SLFN12L: variants seen among roughly 807,000 people sequenced by gnomAD.
SLFN12L encodes schlafen family member 12 like.
In SLFN12L, 34 loss-of-function variants were observed where a neutral mutation model predicts 34.8. The ratio of observed to expected loss-of-function variants is 0.98; its 90% CI spans 0.74 to 1.30. The LOEUF (loss-of-function observed/expected upper bound fraction) is 1.30, where lower values mean the gene tolerates loss of function less well. Ranked by LOEUF, SLFN12L falls within the 50% of genes most tolerant of loss-of-function variation. The probability of loss-of-function intolerance (pLI) is 0.00; values close to 1 mark genes in which losing one functional copy is unlikely to be tolerated. For synonymous variants in SLFN12L, 259 were observed against 247.5 expected, an observed-to-expected ratio of 1.05 and a Z score of -0.44; for missense variants, 703 against 696.2, an observed-to-expected ratio of 1.01 and a Z score of -0.11.
In SLFN12L at chr17:35,465,139, C is replaced by G. The variant is rs1913702570; in HGVS notation, c.*9784G>C. Among the ~76,000 whole-genome samples the G allele has an allele frequency of 6.6e-6, 1 of 152,224 alleles. No individual in the cohort carries two copies. Among genetic ancestry groups the G allele is most frequent in the Admixed American group, 6.5e-5 (1 of 15,290 alleles). On this transcript the variant is annotated 3_prime_UTR_variant, in exon 5 of 5. Coordinates refer to ENST00000628453, the MANE Select transcript of SLFN12L (RefSeq NM_001363830.2). Reference sequence around the variant, plus strand: ...AAGTGATCCGCCTGTCTCGGCCTCCCAAAGTGCTGGGATTACAGGCGTGAG... The same window carrying G: ...AAGTGATCCGCCTGTCTCGGCCTCCGAAAGTGCTGGGATTACAGGCGTGAG...
intron 1 of SLFN12L, among the ~76,000 whole-genome samples, chr17:35,530,508 G>GAAAGA (rs200936112): frequency 0.015 from 490 of 32,730 alleles, 43 homozygotes; most frequent in East Asian, 0.095. Flanking sequence ...AAGAAAGAAA[G>GAAAGA]AAAGAAAAGA....
rs1010465701 is a variant in SLFN12L at position 35,479,652 on chromosome 17, A to C, written c.630T>G (p.Cys210Trp). The change falls in exon 3 of 5, where the codon TGT (cysteine) becomes TGG (tryptophan). Residue 210 changes from cysteine (C) to tryptophan (W), a missense_variant. Transcript: ENST00000628453. ...LRPEFPAKRA[C>W]VDVQEESNME... The stretch of plus-strand genomic sequence containing the variant: ...TGTTACTTTCTTCTTGTACATCAAC[A>C]CAGGCCCTTTTTGCAGGGAATTCTG... 5 of 1,611,356 alleles carry C rather than the reference A, an allele frequency of 3.1e-6. No individual in the cohort carries two copies. In the African/African-American group the frequency reaches 4.0e-5, roughly 13 times the overall value.
intron 2 of SLFN12L, chr17:35,490,364 C>T: frequency 7.5e-7 from 1 of 1,334,094 alleles, no homozygotes; most frequent in Non-Finnish European, 1.1e-6. Flanking sequence ...GTACGATAGT[C>T]TCTTGATCTG....
intron 1 of SLFN12L, among the ~76,000 whole-genome samples, chr17:35,535,878 A>G (rs1420253958): frequency 6.6e-6 from 1 of 150,842 alleles, no homozygotes; most frequent in African/African-American, 2.4e-5. Context: ...CTGGTCTTGA[A>G]CTCCTGACCT....
intron 2 of SLFN12L, among the ~76,000 whole-genome samples, chr17:35,515,802 C>T (rs556609978): frequency 1.3e-5 from 2 of 152,008 alleles, no homozygotes; most frequent in Admixed American, 6.5e-5. Context: ...CACCACCACA[C>T]CCGGCTAATT....
rs752176921 is a variant in SLFN12L, at chr17:35,478,122, C to A, written c.1229G>T (p.Arg410Leu). 1.3e-6 allele frequency: 2 copies of A among 1,545,148 alleles called. No homozygotes were observed. Among genetic ancestry groups the A allele is most frequent in the South Asian group, 1.2e-5 (1 of 83,648 alleles). ...SSPVSQSYPL[R>L]EYINFKIQPL... ...CTGAATTTTGAAGTTAATATATTCA[C>A]GAAGAGGATAACTCTGGGAGACAGG... The change falls in exon 4 of 5, where the codon CGT becomes CTT. Residue 410 changes from arginine to leucine, a missense_variant. Coordinates refer to ENST00000628453, the MANE Select transcript of SLFN12L (RefSeq NM_001363830.2).
intron 2 of SLFN12L, among the ~76,000 whole-genome samples, chr17:35,513,798 G>T (rs188824761): frequency 6.6e-6 from 1 of 152,174 alleles, no homozygotes; most frequent in Non-Finnish European, 1.5e-5. Flanking sequence ...GTAGATCATC[G>T]CGGTTACCTT....
chr17:35,518,878 A>G (rs1915916804), intron 2 of SLFN12L, among the ~76,000 whole-genome samples: 1 of 152,236 alleles, frequency 6.6e-6, no homozygotes, highest in Admixed American at 6.5e-5. Flanking sequence ...AAATCATTCT[A>G]CTATAAAGAC....
intron 4 of SLFN12L, among the ~76,000 whole-genome samples, chr17:35,476,507 A>T (rs1356101494): frequency 6.7e-6 from 1 of 149,392 alleles, no homozygotes; most frequent in Non-Finnish European, 1.5e-5. Context: ...GGAAGGAAGG[A>T]AGGAAGGAAG....
intron 2 of SLFN12L, among the ~76,000 whole-genome samples, chr17:35,495,907 AC>A (rs1915046372): frequency 2.9e-5 from 1 of 34,602 alleles, no homozygotes; most frequent in African/African-American, 1.5e-4. Context: ...TGAAACACAC[AC>A]ACACACACAC....
intron 1 of SLFN12L, among the ~76,000 whole-genome samples, chr17:35,532,654 G>C (rs1282374349): frequency 1.3e-5 from 2 of 152,030 alleles, no homozygotes; most frequent in African/African-American, 4.8e-5. Flanking sequence ...CACTTTGGGA[G>C]GCCAAGGCAG....
rs1162098840 is a variant in SLFN12L, at chr17:35,490,837, G to A, written c.87-10642C>T. The A allele has an allele frequency of 5.1e-6, 6 of 1,169,250 alleles. No individual in the cohort carries two copies. In the Admixed American group the frequency reaches 1.0e-4, roughly 20 times the overall value. The allele number at this position is 1,169,250 out of a possible 1,614,324, so 72.4% of individuals were successfully genotyped here. On this transcript the variant is annotated intron_variant, in intron 2 of 4. Transcript: ENST00000628453. ...ATAAGAGAGCCTACAAATACATTTG[G>A]CAGGTACCCAAGGGCACATTGAGGT...
intron 2 of SLFN12L, among the ~76,000 whole-genome samples, chr17:35,521,033 T>G (rs111701948): frequency 1.5e-3 from 229 of 152,216 alleles, no homozygotes; most frequent in African/African-American, 5.1e-3. Flanking sequence ...ACTTATAAAT[T>G]GTGTGATTTT....
At chr17:35,497,485 C>A (rs536791487) in intron 2 of SLFN12L, among the ~76,000 whole-genome samples, 1 of 152,080 alleles carries the variant, frequency 6.6e-6, no homozygotes, top group Non-Finnish European at 1.5e-5. Flanking sequence ...CTTAGTAGCA[C>A]TGTCTGTAGT....
At position 35,471,972 on chromosome 17, in the gene SLFN12L, A is replaced by T. The variant is rs1913816704; in HGVS notation, c.*2951T>A. On this transcript the variant is annotated 3_prime_UTR_variant, in exon 5 of 5. Transcript: ENST00000628453. ...ATTCTGGGTATTAGACCTTTGTCAGATGGGTAGATTGCAAAAATTTTCTCC... is the reference window on the plus strand; with the variant it reads ...ATTCTGGGTATTAGACCTTTGTCAGTTGGGTAGATTGCAAAAATTTTCTCC... Among the ~76,000 whole-genome samples the T allele has an allele frequency of 1.3e-5, 2 of 152,100 alleles. No individual in the cohort carries two copies. The highest frequency in any genetic ancestry group is 2.1e-4 in the South Asian group (1 of 4,820).
In SLFN12L at chr17:35,501,747, G is replaced by T. The variant is rs189847270; in HGVS notation, c.86+20532C>A. On this transcript the variant is annotated intron_variant, in intron 2 of 4. Transcript: ENST00000628453. ...TTAAAACTTTGTGTAAGGTAGACTG[G>T]CCAGCATTAGAGGTGGCCATCAGAA... Among the ~76,000 whole-genome samples, 11 of 152,280 alleles carry T rather than the reference G, an allele frequency of 7.2e-5. No individual in the cohort carries two copies. In the South Asian group the frequency reaches 2.1e-3, roughly 29 times the overall value.
intron 2 of SLFN12L, among the ~76,000 whole-genome samples, chr17:35,494,248 AG>A (rs1914956509): frequency 2.0e-5 from 3 of 152,240 alleles, no homozygotes; most frequent in South Asian, 4.1e-4. Context: ...ACAACAAAAA[AG>A]CTTTTATGAT....
intron 2 of SLFN12L, among the ~76,000 whole-genome samples, chr17:35,509,549 G>T (rs1028011277): frequency 6.6e-6 from 1 of 152,070 alleles, no homozygotes; most frequent in African/African-American, 2.4e-5. Flanking sequence ...ATGAGCATTT[G>T]GGGGGAAAGC....
At chr17:35,498,110 G>A in intron 2 of SLFN12L, 10 of 586,982 alleles carry the variant, frequency 1.7e-5, no homozygotes. Flanking sequence ...GGACACAGCT[G>A]AGCCGGCGGT....
Sources: gnomAD v4.1 joint callset for allele counts (sites outside exome capture counted in the v4.1 genomes callset) on GRCh38, gnomAD v4.1.1 for gene constraint, MANE v1.5 for transcripts, NCBI Gene and HGNC (gene_info 2026-07-23, HGNC 2026-07-21) for gene names.